Variants in SNURF observed in about 807,000 individuals in gnomAD.
SNURF encodes the protein SNURF protein.
Under a neutral mutation model 11.6 loss-of-function variants are expected in SNURF, and 6 were observed. The observed-to-expected ratio is 0.52, with a 90% CI of 0.28 to 1.02. The LOEUF is 1.02. SNURF is among the 50% of genes least tolerant of loss of function. The probability of loss-of-function intolerance (pLI) is 0.09; values close to 1 mark genes in which losing one functional copy is unlikely to be tolerated. For missense variants in SNURF, 84 were observed against 88.4 expected, an observed-to-expected ratio of 0.95 and a Z score of 0.20; for synonymous variants, 29 against 31.6, an observed-to-expected ratio of 0.92 and a Z score of 0.27.
chr15:24,956,291 C>A (rs2062859300), intron 1 of SNURF, among the ~76,000 whole-genome samples: 1 of 148,102 alleles, frequency 6.8e-6, no homozygotes, highest in Non-Finnish European at 1.5e-5. Flanking sequence ...GCGTCACTGC[C>A]ATTGTGCAGC....
At chr15:24,955,704 G>A (rs1020680835) in intron 1 of SNURF, among the ~76,000 whole-genome samples, 3 of 150,572 alleles carry the variant, frequency 2.0e-5, no homozygotes, top group Non-Finnish European at 4.4e-5. Context: ...TGGTGGTCGC[G>A]GCGCGGGGAG....
At chr15:24,955,018 C>G (rs372506458) in exon 1 of SNURF, 22 of 1,612,344 alleles carry the variant, frequency 1.4e-5, no homozygotes, top group Admixed American at 3.3e-5. Flanking sequence ...AGATGCCTGA[C>G]GCATCTGTCT....
intron 2 of SNURF, among the ~76,000 whole-genome samples, chr15:24,967,469 A>G (rs1296842530): frequency 6.6e-6 from 1 of 151,904 alleles, no homozygotes; most frequent in Admixed American, 6.6e-5. Context: ...GTGAAACCCC[A>G]TCTCTACTAA....
intron 4 of SNURF, among the ~76,000 whole-genome samples, chr15:24,975,907 CTT>C (rs567746552): frequency 1.5e-3 from 228 of 152,258 alleles, no homozygotes; most frequent in African/African-American, 5.2e-3. Context: ...GGTATCCTCT[CTT>C]TGCCTATCAC....
intron 2 of SNURF, among the ~76,000 whole-genome samples, chr15:24,964,427 G>A (rs946931495): frequency 2.0e-5 from 3 of 152,010 alleles, no homozygotes; most frequent in Non-Finnish European, 2.9e-5. Context: ...CAAGTAACTG[G>A]GATTATAGGT....
At position 24,977,017 on chromosome 15, in the gene SNURF, A is replaced by T. The variant is rs368006860; in HGVS notation, c.*450A>T. The stretch of plus-strand genomic sequence containing the variant: ...CAGGCCCTGTCCGAGGAGTTGGGGG[A>T]CCATCCCAGCAGGTGAGGAACCAGC... On this transcript the variant is annotated 3_prime_UTR_variant and NMD_transcript_variant, in exon 6 of 7. Coordinates refer to the SNURF transcript ENST00000580062. 1.5e-4 allele frequency: 230 copies of T among 1,576,290 alleles called. 1 individual carries two copies. The highest frequency in any genetic ancestry group is 1.5e-5 in the Non-Finnish European group (17 of 1,163,738).
chr15:24,957,772 A>G (rs1460481808), intron 1 of SNURF, among the ~76,000 whole-genome samples: 1 of 152,112 alleles, frequency 6.6e-6, no homozygotes, highest in East Asian at 1.9e-4. Flanking sequence ...AGCAGTTCAC[A>G]TACATATATT....
chr15:24,965,105 A>G (rs2153534038), intron 2 of SNURF, among the ~76,000 whole-genome samples: 1 of 152,206 alleles, frequency 6.6e-6, no homozygotes, highest in East Asian at 1.9e-4. Flanking sequence ...TGTGTTTAGG[A>G]TTCTCAGGAT....
At chr15:24,976,995 G>T in exon 6 of SNURF, 1 of 1,597,086 alleles carries the variant, frequency 6.3e-7, no homozygotes, top group Non-Finnish European at 8.5e-7. Context: ...GGATTGGCAG[G>T]CCCTGTCCGA....
At chr15:24,956,619 G>A (rs529527305) in intron 1 of SNURF, among the ~76,000 whole-genome samples, 47 of 152,316 alleles carry the variant, frequency 3.1e-4, no homozygotes, top group Non-Finnish European at 1.2e-4. Context: ...GGCTTACGCA[G>A]CTTTTGCCTG....
At position 24,976,765 on chromosome 15, in the gene SNURF, A is replaced by G. The variant is rs17114934; in HGVS notation, c.*310-112A>G. 0.01 allele frequency: 9,216 copies of G among 920,498 alleles called. 570 individuals are homozygous for G. In the African/African-American group the frequency reaches 0.14, roughly 14 times the overall value. 57.0% of individuals were successfully genotyped at this position (920,498 alleles called of 1,614,324 possible). ...TGTTTGTTCATTTGGACACAGAACT[A>G]ATATGAGATAGGTGTCATGGGAAAA... On this transcript the variant is annotated intron_variant and NMD_transcript_variant, in intron 5 of 6. Coordinates refer to the SNURF transcript ENST00000580062.
chr15:24,957,453 G>T (rs1442389395), intron 1 of SNURF, among the ~76,000 whole-genome samples: 1 of 152,184 alleles, frequency 6.6e-6, no homozygotes, highest in Non-Finnish European at 1.5e-5. Context: ...CAAAAATTTG[G>T]TGAGAAAGGT....
chr15:24,972,541 C>CT (rs755600861), downstream of SNURF, among the ~76,000 whole-genome samples: 1,198 of 112,180 alleles, frequency 0.011, 7 homozygotes, highest in Middle Eastern at 0.014. Context: ...TTAGAGTATT[C>CT]TTTTTTTTTT....
chr15:24,963,905 A>G (rs2075238448), intron 2 of SNURF, among the ~76,000 whole-genome samples: 1 of 151,900 alleles, frequency 6.6e-6, no homozygotes, highest in South Asian at 2.1e-4. Flanking sequence ...GGTGTTGTCT[A>G]CCTGTAGTCT....
downstream of SNURF, among the ~76,000 whole-genome samples, chr15:24,972,004 C>T (rs553834827): frequency 2.0e-5 from 3 of 152,248 alleles, no homozygotes; most frequent in South Asian, 6.2e-4. Context: ...GCCTGTAATC[C>T]TAGCACTTGG....
chr15:24,969,724 T>C (rs2076161138), downstream of SNURF, among the ~76,000 whole-genome samples: 1 of 152,246 alleles, frequency 6.6e-6, no homozygotes, highest in Non-Finnish European at 1.5e-5. Flanking sequence ...TTTATGATAC[T>C]TAATTATATC....
intron 1 of SNURF, among the ~76,000 whole-genome samples, chr15:24,958,518 T>C (rs1302040059): frequency 9.8e-6 from 1 of 101,860 alleles, no homozygotes; most frequent in African/African-American, 4.2e-5. Flanking sequence ...TTTTTTTTTT[T>C]TTAAATAGAC....
At position 24,968,170 on chromosome 15, in the gene SNURF, A is replaced by G. The variant is rs995848815; in HGVS notation, c.*133A>G. On this transcript the variant is annotated 3_prime_UTR_variant, in exon 3 of 3. Transcript: ENST00000577949. ...TCTCTTAATTATCAGTGACACATTA[A>G]TTTTTTTCCTTAGAGCTTCATACAA... 3.7e-6 allele frequency: 3 copies of G among 811,926 alleles called. No homozygotes were observed. In the East Asian group the frequency reaches 8.0e-5, roughly 22 times the overall value. The allele number at this position is 811,926 out of a possible 1,614,324, so 50.3% of individuals were successfully genotyped here. A position where few individuals can be genotyped will look rare whatever the true frequency, so the allele number is the denominator to read the frequency against.
chr15:24,955,989 G>A (rs1172972854), intron 1 of SNURF, among the ~76,000 whole-genome samples: 1 of 152,024 alleles, frequency 6.6e-6, no homozygotes, highest in Admixed American at 6.5e-5. Context: ...TGTGACCTGC[G>A]ATGGTCATCT....
Sources: gnomAD v4.1 joint callset for allele counts (sites outside exome capture counted in the v4.1 genomes callset) on GRCh38, gnomAD v4.1.1 for gene constraint, MANE v1.5 for transcripts, NCBI Gene and HGNC (gene_info 2026-07-23, HGNC 2026-07-21) for gene names.